The following DSCAM variants were observed in gnomAD, a reference collection of about 807,000 sequenced individuals.
DSCAM encodes the protein DS cell adhesion molecule, also known as cell adhesion molecule DSCAM.
A neutral mutation model predicts 217.7 loss-of-function variants in DSCAM; 47 were observed. That is an observed-to-expected ratio of 0.22 (90% confidence interval 0.17 to 0.28). The LOEUF (loss-of-function observed/expected upper bound fraction) is 0.28, where lower values mean the gene tolerates loss of function less well. Among genes scored for constraint, DSCAM ranks in the 10% least tolerant of loss-of-function variants. DSCAM has a pLI of 1.00. For synonymous variants in DSCAM, 1,056 were observed against 1,015.3 expected (o/e 1.04, Z -0.76); for missense variants, 2,080 against 2,618.3 (o/e 0.79, Z 4.49).
chr21:40,018,341 ATTTAT>A (rs1187313454), intron 32 of DSCAM, among the ~76,000 whole-genome samples: 1 of 151,894 alleles, frequency 6.6e-6, no homozygotes, highest in African/African-American at 2.4e-5. Flanking sequence ...TTTATTATTT[ATTTAT>A]TTTAAATTTT....
intron 3 of DSCAM, among the ~76,000 whole-genome samples, chr21:40,548,210 T>C (rs1017631863): frequency 6.6e-6 from 1 of 152,216 alleles, no homozygotes; most frequent in African/African-American, 2.4e-5. Context: ...CCCGAGGGCC[T>C]AGCACTTTAC....
intron 9 of DSCAM, among the ~76,000 whole-genome samples, chr21:40,310,680 C>A (rs1164848435): frequency 1.3e-5 from 2 of 152,178 alleles, no homozygotes; most frequent in Non-Finnish European, 2.9e-5. Flanking sequence ...TGGCCTGGAT[C>A]CTTCAGAGCA....
chr21:40,837,145 G>T (rs2092063673), intron 1 of DSCAM, among the ~76,000 whole-genome samples: 1 of 152,182 alleles, frequency 6.6e-6, no homozygotes, highest in Admixed American at 6.5e-5. Flanking sequence ...AAGGGTGGAG[G>T]GGATGTGTGG....
At chr21:40,647,710 C>T (rs2089964389) in intron 3 of DSCAM, among the ~76,000 whole-genome samples, 1 of 152,194 alleles carries the variant, frequency 6.6e-6, no homozygotes, top group Non-Finnish European at 1.5e-5. Flanking sequence ...AACTACATAC[C>T]TTCAAACCTC....
At chr21:40,313,573 G>A (rs2074163860) in intron 8 of DSCAM, among the ~76,000 whole-genome samples, 1 of 152,202 alleles carries the variant, frequency 6.6e-6, no homozygotes, top group African/African-American at 2.4e-5. Context: ...TGTTAGTTAT[G>A]AGCAAAGTAA....
chr21:40,072,407 C>T (rs1485020363), intron 27 of DSCAM, among the ~76,000 whole-genome samples: 21 of 149,448 alleles, frequency 1.4e-4, no homozygotes, highest in Admixed American at 5.4e-4. Flanking sequence ...AGTGCAGTGG[C>T]GGGATCTCGG....
At chr21:40,298,644 A>T (rs2073982094) in intron 9 of DSCAM, among the ~76,000 whole-genome samples, 1 of 152,044 alleles carries the variant, frequency 6.6e-6, no homozygotes, top group South Asian at 2.1e-4. Flanking sequence ...TGACCAATCA[A>T]CTCAAGAGCA....
intron 3 of DSCAM, among the ~76,000 whole-genome samples, chr21:40,449,406 T>C (rs1045264158): frequency 6.6e-6 from 1 of 152,186 alleles, no homozygotes; most frequent in African/African-American, 2.4e-5. Context: ...CATCCCACAA[T>C]GTGAAATTGT....
At chr21:40,616,426 C>A (rs2146287764) in intron 3 of DSCAM, among the ~76,000 whole-genome samples, 1 of 152,232 alleles carries the variant, frequency 6.6e-6, no homozygotes, top group Middle Eastern at 3.4e-3. Flanking sequence ...ACGTTTCCTC[C>A]TGGAAATAGG....
At chr21:40,053,533 T>C (rs2088966725) in intron 29 of DSCAM, among the ~76,000 whole-genome samples, 1 of 152,232 alleles carries the variant, frequency 6.6e-6, no homozygotes, top group Non-Finnish European at 1.5e-5. Flanking sequence ...ATGGAAAATT[T>C]TGGGCGCCTG....
intron 3 of DSCAM, among the ~76,000 whole-genome samples, chr21:40,687,294 T>A (rs1473591861): frequency 6.6e-6 from 1 of 152,208 alleles, no homozygotes; most frequent in Non-Finnish European, 1.5e-5. Flanking sequence ...TTCAGGTGAC[T>A]CTAGGTTTTT....
chr21:40,568,823 G>T (rs2036786549), intron 3 of DSCAM, among the ~76,000 whole-genome samples: 1 of 152,214 alleles, frequency 6.6e-6, no homozygotes, highest in African/African-American at 2.4e-5. Context: ...CTCACTCAGG[G>T]CAGGCTAGAC....
chr21:40,104,548 AG>A (rs1808639139), intron 20 of DSCAM, among the ~76,000 whole-genome samples: 1 of 152,198 alleles, frequency 6.6e-6, no homozygotes, highest in South Asian at 2.1e-4. Flanking sequence ...TCAGAGGTTA[AG>A]AGGGTGGGAT....
intron 3 of DSCAM, among the ~76,000 whole-genome samples, chr21:40,641,626 TAGAAG>T (rs1202860120): frequency 3.3e-5 from 5 of 152,350 alleles, no homozygotes; most frequent in African/African-American, 1.2e-4. Flanking sequence ...TGAAAATATC[TAGAAG>T]AGAAGTTCTA....
intron 26 of DSCAM, 145 bp downstream of exon 26, chr21:40,078,542 G>T: frequency 9.7e-7 from 1 of 1,028,212 alleles, no homozygotes; most frequent in Non-Finnish European, 1.4e-6. Flanking sequence ...GCCCCAGACA[G>T]AGTCCATTGA....
chr21:40,840,654 G>T (rs1182957477), intron 1 of DSCAM, among the ~76,000 whole-genome samples: 9 of 152,214 alleles, frequency 5.9e-5, no homozygotes, highest in African/African-American at 2.2e-4. Flanking sequence ...GAAAAGAGAA[G>T]AAAATGCCCC....
At chr21:40,555,783 CCA>C (rs1189875622) in intron 3 of DSCAM, among the ~76,000 whole-genome samples, 2 of 152,138 alleles carry the variant, frequency 1.3e-5, no homozygotes, top group African/African-American at 4.8e-5. Context: ...CAGGTGTCCA[CCA>C]CCATGCTTGG....
chr21:40,699,387 T>C (rs1405637593), intron 2 of DSCAM, among the ~76,000 whole-genome samples: 1 of 152,206 alleles, frequency 6.6e-6, no homozygotes, highest in African/African-American at 2.4e-5. Flanking sequence ...CTTTAAGTAT[T>C]CATGTGAAAG....
chr21:40,289,917 T>G (rs1482421544), intron 10 of DSCAM, among the ~76,000 whole-genome samples: 2 of 152,140 alleles, frequency 1.3e-5, no homozygotes, highest in Non-Finnish European at 2.9e-5. Context: ...TATAAAGCCA[T>G]GGCTGAAGAA....
Sources: allele counts gnomAD v4.1 joint callset (sites outside exome capture counted in the v4.1 genomes callset), GRCh38; gene constraint gnomAD v4.1.1; transcripts MANE v1.5; gene names NCBI Gene and HGNC (gene_info 2026-07-23, HGNC 2026-07-21).